The following PZP variants were observed in gnomAD, a reference collection of about 807,000 sequenced individuals.
The protein encoded by PZP is pregnancy zone protein.
A neutral mutation model predicts 179.8 loss-of-function variants in PZP; 150 were observed. The observed-to-expected ratio is 0.83, with a 90% CI of 0.73 to 0.96. The LOEUF (loss-of-function observed/expected upper bound fraction) is 0.96, where lower values mean the gene tolerates loss of function less well. PZP is among the 40% of genes least tolerant of loss of function. The probability of loss-of-function intolerance (pLI) is 0.00; values close to 1 mark genes in which losing one functional copy is unlikely to be tolerated. For missense variants in PZP, 1,689 were observed against 1,764.0 expected (o/e 0.96, Z 0.76); for synonymous variants, 624 against 652.3 (o/e 0.96, Z 0.66).
chr12:9,206,510 G>A (rs1944446110), intron 1 of PZP, among the ~76,000 whole-genome samples: 1 of 152,192 alleles, frequency 6.6e-6, no homozygotes, highest in South Asian at 2.1e-4. Context: ...TTAAATATTT[G>A]CCTCTTTAGC....
In PZP at chr12:9,192,514, G is replaced by A; in HGVS notation, c.1480C>T (p.Leu494=). The change falls in exon 12 of 36, where the codon CTG becomes TTG. Residue 494 remains leucine (L), a splice_region_variant and synonymous_variant. Transcript: ENST00000261336. ...GTATTCCATGGCCTCATTCTTACCAGGTAATGGAAACTGAGCTCCGATAAC... is the reference window on the plus strand; with the variant it reads ...GTATTCCATGGCCTCATTCTTACCAAGTAATGGAAACTGAGCTCCGATAAC... ...GELSELSFHY[L]IMAKGVIVRS... 1.2e-6 allele frequency: 2 copies of A among 1,611,476 alleles called. No individual in the cohort carries two copies. Among genetic ancestry groups the A allele is most frequent in the Middle Eastern group, 1.7e-4 (1 of 6,050 alleles).
intron 17 of PZP, among the ~76,000 whole-genome samples, chr12:9,166,659 A>G (rs1941605927): frequency 6.6e-6 from 1 of 152,238 alleles, no homozygotes; most frequent in South Asian, 2.1e-4. Flanking sequence ...CATAAATTAA[A>G]TTTACTTTAA....
intron 1 of PZP, among the ~76,000 whole-genome samples, chr12:9,206,378 A>C (rs1944441069): frequency 1.3e-5 from 2 of 152,206 alleles, no homozygotes; most frequent in Admixed American, 1.3e-4. Flanking sequence ...TTCAGTTAAT[A>C]TTTTTTTAAC....
chr12:9,200,538 A>C, intron 6 of PZP, 90 bp from the exon 7 acceptor site: 1 of 1,010,790 alleles, frequency 9.9e-7, no homozygotes, highest in Non-Finnish European at 1.5e-6. Context: ...TTTTCCCAAA[A>C]TAACACTCTG....
chr12:9,150,832 C>T (rs1940303017), intron 33 of PZP, 86 bp from the exon 34 acceptor site: 3 of 855,490 alleles, frequency 3.5e-6, no homozygotes, highest in South Asian at 2.9e-5. Flanking sequence ...TGTTCTTTGA[C>T]TCTTTTTCAC....
At chr12:9,173,677 C>A (rs964621010) in intron 15 of PZP, among the ~76,000 whole-genome samples, 3 of 152,134 alleles carry the variant, frequency 2.0e-5, no homozygotes, top group African/African-American at 7.2e-5. Flanking sequence ...ACGCAAACAA[C>A]CATCCGCAAA....
chr12:9,149,481 T>C (rs1033452366), intron 35 of PZP, 80 bp downstream of exon 35: 2 of 1,381,960 alleles, frequency 1.4e-6, no homozygotes, highest in African/African-American at 2.9e-5. Context: ...GGAAAAGCCT[T>C]GTAGAGAATT....
intron 23 of PZP, 140 bp downstream of exon 23, chr12:9,160,893 C>A (rs1282216871): frequency 4.1e-6 from 3 of 739,308 alleles, no homozygotes; most frequent in African/African-American, 1.8e-5. Context: ...CCAGCCTGGG[C>A]GACAGAGCGA....
chr12:9,194,621 C>A lies in PZP; in HGVS notation c.1093-383G>T, dbSNP rs780512068. On this transcript the variant is annotated intron_variant, in intron 10 of 35. Coordinates refer to ENST00000261336, the MANE Select transcript of PZP (RefSeq NM_002864.3). ...CTGGGACTACAGGCGCCCGCCACCCCGCCCAGCTAATTTTTTGTATTTTTA... is the reference window on the plus strand; with the variant it reads ...CTGGGACTACAGGCGCCCGCCACCCAGCCCAGCTAATTTTTTGTATTTTTA... 3.3e-5 allele frequency among the ~76,000 whole-genome samples: 5 copies of A among 151,992 alleles called. No homozygotes were observed. In the East Asian group the frequency reaches 5.8e-4, roughly 18 times the overall value.
intron 13 of PZP, among the ~76,000 whole-genome samples, chr12:9,189,650 T>G (rs1166983628): frequency 1.3e-5 from 2 of 152,170 alleles, no homozygotes; most frequent in Non-Finnish European, 2.9e-5. Context: ...TGGGATCTAA[T>G]TAACCTAAAG....
chr12:9,152,325 G>A lies in PZP; in HGVS notation c.4122-15C>T, dbSNP rs1365853914. On this transcript the variant is annotated splice_polypyrimidine_tract_variant and intron_variant, in intron 31 of 35. Transcript: ENST00000261336. ...TTCCTGTGTAACTGTAGTGTCAAAG[G>A]AAAAAGAATTTAGGGTTTTATACGT... The A allele has an allele frequency of 1.9e-6, 3 of 1,596,420 alleles. No individual in the cohort carries two copies. The highest frequency in any genetic ancestry group is 1.7e-4 in the Middle Eastern group (1 of 6,040).
rs768662444 is a variant in PZP at position 9,196,361 on chromosome 12, T to C, written c.1061A>G (p.His354Arg). 1.1e-5 allele frequency: 17 copies of C among 1,612,826 alleles called. No individual in the cohort carries two copies. Among genetic ancestry groups the C allele is most frequent in the Non-Finnish European group, 1.4e-5 (17 of 1,178,966 alleles). The change falls in exon 10 of 36, where the codon CAC (histidine) becomes CGC (arginine). Residue 354 changes from histidine to arginine, a missense_variant. This residue lies in a region of PZP where 742 missense variants were observed against 730.5 expected (regional missense o/e 1.02). Coordinates refer to ENST00000261336, the MANE Select transcript of PZP (RefSeq NM_002864.3). ...SKLKFVKVDS[H>R]FRQGIPFFAQ... Reference sequence around the variant, plus strand: ...AAAAAAGGGGATTCCTTGTCTAAAGTGTGAATCCACTTTCACGAATTTGAG... The same window carrying C: ...AAAAAAGGGGATTCCTTGTCTAAAGCGTGAATCCACTTTCACGAATTTGAG...
Position 9,164,276 on chromosome 12 carries a change from G to A in PZP, c.2488-17C>T, listed in dbSNP as rs1941427374. On this transcript the variant is annotated splice_polypyrimidine_tract_variant and intron_variant, in intron 19 of 35. Transcript: ENST00000261336. Reference sequence around the variant, plus strand: ...CACACTGACCTATCACCCCATGTGAGGCAGAGACAGAAATGATCAGAATAT... The same window carrying A: ...CACACTGACCTATCACCCCATGTGAAGCAGAGACAGAAATGATCAGAATAT... 1 of 1,610,282 alleles carries A rather than the reference G, an allele frequency of 6.2e-7. No homozygotes were observed. The highest frequency in any genetic ancestry group is 1.3e-5 in the African/African-American group (1 of 74,968).
At chr12:9,188,052 C>T (rs911287490) in intron 13 of PZP, among the ~76,000 whole-genome samples, 2 of 152,220 alleles carry the variant, frequency 1.3e-5, no homozygotes, top group Admixed American at 6.5e-5. Flanking sequence ...CCTTGATGAA[C>T]ATTGATGCAA....
intron 13 of PZP, among the ~76,000 whole-genome samples, chr12:9,188,355 T>C (rs1943251973): frequency 2.0e-5 from 3 of 152,222 alleles, no homozygotes; most frequent in Admixed American, 2.0e-4. Flanking sequence ...ATAAACTAGA[T>C]ATTGAAAGAA....
At chr12:9,163,923 A>G (rs751697786) in intron 20 of PZP, 134 bp from the exon 21 acceptor site, 1 of 1,289,832 alleles carries the variant, frequency 7.8e-7, no homozygotes, top group Non-Finnish European at 1.1e-6. Flanking sequence ...AGGTTAATGT[A>G]TACTAAGTAG....
downstream of PZP, among the ~76,000 whole-genome samples, chr12:9,144,605 G>T (rs1253568434): frequency 6.6e-6 from 1 of 152,182 alleles, no homozygotes; most frequent in Non-Finnish European, 1.5e-5. Flanking sequence ...CCTGAGAGGG[G>T]CTTCTGGCCA....
chr12:9,203,266 A>AC (rs2121231417), intron 2 of PZP, among the ~76,000 whole-genome samples: 1 of 82,584 alleles, frequency 1.2e-5, no homozygotes, highest in Non-Finnish European at 2.9e-5. Flanking sequence ...TTACTCTGGT[A>AC]AAAAATGCTT....
At chr12:9,168,604 C>T (rs1226702266) in intron 17 of PZP, 6 of 331,576 alleles carry the variant, frequency 1.8e-5, no homozygotes, top group East Asian at 9.7e-5. Flanking sequence ...TTTCCATTGT[C>T]AGCATTTTCC....
Sources: gnomAD v4.1 joint callset for allele counts (sites outside exome capture counted in the v4.1 genomes callset) on GRCh38, gnomAD v4.1.1 for gene constraint, gnomAD v4.1.1 regional missense constraint, MANE v1.5 for transcripts, NCBI Gene and HGNC (gene_info 2026-07-23, HGNC 2026-07-21) for gene names.